The following IMMP2L variants were observed in gnomAD, a reference collection of about 807,000 sequenced individuals.
The protein encoded by IMMP2L is inner mitochondrial membrane peptidase subunit 2.
In IMMP2L, 18 loss-of-function variants were observed where a neutral mutation model predicts 19.3. That is an observed-to-expected ratio of 0.93 (90% CI 0.64 to 1.38). IMMP2L has a LOEUF of 1.38. IMMP2L is among the 40% of genes most tolerant of loss of function. The pLI, the probability that IMMP2L is intolerant of heterozygous loss-of-function variation, is 0.00. For synonymous variants in IMMP2L, 76 were observed against 73.0 expected (o/e 1.04, Z -0.21); for missense variants, 233 against 218.2 (o/e 1.07, Z -0.43).
intron 5 of IMMP2L, among the ~76,000 whole-genome samples, chr7:110,822,857 T>C (rs1046446119): frequency 7.9e-5 from 12 of 152,138 alleles, no homozygotes; most frequent in Admixed American, 6.6e-4. Flanking sequence ...TTCTGCTCCA[T>C]TGGCCACTAA....
intron 4 of IMMP2L, among the ~76,000 whole-genome samples, chr7:110,954,125 C>A (rs1207101219): frequency 6.6e-6 from 1 of 151,926 alleles, no homozygotes; most frequent in Admixed American, 6.6e-5. Flanking sequence ...ATGTTTTATG[C>A]TTTAGTGTTG....
intron 3 of IMMP2L, among the ~76,000 whole-genome samples, chr7:111,164,185 A>AAGGC (rs1009328557): frequency 3.3e-5 from 5 of 151,746 alleles, no homozygotes; most frequent in East Asian, 2.0e-4. Context: ...GAAAGGCAGG[A>AAGGC]AGGCAGGCAG....
intron 3 of IMMP2L, among the ~76,000 whole-genome samples, chr7:111,465,264 T>A (rs1366361200): frequency 6.6e-6 from 1 of 151,898 alleles, no homozygotes; most frequent in African/African-American, 2.4e-5. Context: ...CTGCTCTCAG[T>A]CAAGATTCTG....
intron 4 of IMMP2L, among the ~76,000 whole-genome samples, chr7:110,887,416 A>C (rs1810333535): frequency 6.6e-6 from 1 of 152,092 alleles, no homozygotes; most frequent in African/African-American, 2.4e-5. Context: ...TAATGGTATA[A>C]TGTTTTTCCC....
chr7:110,960,680 C>T (rs1818839067), intron 4 of IMMP2L, among the ~76,000 whole-genome samples: 1 of 151,716 alleles, frequency 6.6e-6, no homozygotes, highest in South Asian at 2.1e-4. Context: ...AAAAAACAGT[C>T]ACCAAGTTCT....
chr7:111,559,883 CA>C (rs1304778505), intron 1 of IMMP2L, among the ~76,000 whole-genome samples: 2 of 152,080 alleles, frequency 1.3e-5, no homozygotes, highest in South Asian at 4.2e-4. Context: ...AGCTCATGTC[CA>C]AAAGACTGTA....
chr7:110,956,322 G>A (rs1004832181), intron 4 of IMMP2L, among the ~76,000 whole-genome samples: 1 of 152,000 alleles, frequency 6.6e-6, no homozygotes. Flanking sequence ...GCCTTGTGCT[G>A]TACTCACCAG....
chr7:111,508,316 A>C (rs1845125671), intron 2 of IMMP2L, among the ~76,000 whole-genome samples: 1 of 152,158 alleles, frequency 6.6e-6, no homozygotes, highest in Admixed American at 6.5e-5. Flanking sequence ...GAAGAAATAA[A>C]AATAAAGTTC....
intron 3 of IMMP2L, among the ~76,000 whole-genome samples, chr7:111,187,292 C>T (rs1354730237): frequency 4.6e-5 from 7 of 152,068 alleles, no homozygotes; most frequent in Non-Finnish European, 1.0e-4. Flanking sequence ...ACTGCATAGA[C>T]AAGACATAAG....
At chr7:111,549,818 G>T (rs1010739620) in intron 1 of IMMP2L, among the ~76,000 whole-genome samples, 1 of 151,852 alleles carries the variant, frequency 6.6e-6, no homozygotes, top group South Asian at 2.1e-4. Flanking sequence ...ACACATGCCT[G>T]TAATCCCAGC....
At chr7:110,688,822 C>T (rs1346277154) in intron 5 of IMMP2L, among the ~76,000 whole-genome samples, 2 of 151,892 alleles carry the variant, frequency 1.3e-5, no homozygotes, top group Non-Finnish European at 2.9e-5. Context: ...ATGTATTTGT[C>T]CTTTCTCTCT....
intron 4 of IMMP2L, among the ~76,000 whole-genome samples, chr7:110,935,470 G>A (rs369178979): frequency 2.0e-5 from 3 of 152,090 alleles, no homozygotes; most frequent in East Asian, 3.9e-4. Context: ...TGACAATTAC[G>A]TGTCTTGGAG....
intron 5 of IMMP2L, among the ~76,000 whole-genome samples, chr7:110,854,239 A>AT (rs1400868980): frequency 1.3e-5 from 2 of 151,876 alleles, no homozygotes; most frequent in Non-Finnish European, 2.9e-5. Context: ...TTCCATTTAA[A>AT]TTTTTTTCTG....
chr7:111,369,045 T>C (rs938315782), intron 3 of IMMP2L, among the ~76,000 whole-genome samples: 1 of 151,960 alleles, frequency 6.6e-6, no homozygotes, highest in Admixed American at 6.6e-5. Context: ...AGACCTTCTT[T>C]TAAGAAATTA....
intron 3 of IMMP2L, among the ~76,000 whole-genome samples, chr7:111,346,167 T>C (rs1563084768): frequency 6.6e-6 from 1 of 152,192 alleles, no homozygotes; most frequent in East Asian, 1.9e-4. Flanking sequence ...GTATGTCTTA[T>C]TTCAGTAAAG....
chr7:110,937,675 T>A (rs900655833), intron 4 of IMMP2L, among the ~76,000 whole-genome samples: 1 of 152,182 alleles, frequency 6.6e-6, no homozygotes, highest in Non-Finnish European at 1.5e-5. Flanking sequence ...TTTTGACTCA[T>A]TATACTTCGC....
At chr7:110,944,811 T>C (rs1817093145) in intron 4 of IMMP2L, among the ~76,000 whole-genome samples, 1 of 151,938 alleles carries the variant, frequency 6.6e-6, no homozygotes, top group Admixed American at 6.6e-5. Context: ...TGTGTACATA[T>C]AGATCCTTTT....
rs761363709 is a variant in IMMP2L at position 110,818,418 on chromosome 7, C to T, written c.408+68175G>A. Among the ~76,000 whole-genome samples the T allele has an allele frequency of 1.7e-3, 257 of 152,216 alleles. 2 individuals are homozygous for T. In the Middle Eastern group the frequency reaches 0.031, roughly 18 times the overall value. On this transcript the variant is annotated intron_variant, in intron 5 of 5. Transcript: ENST00000405709. Reference sequence around the variant, plus strand: ...GCAAATCAAAACCACAATGAGATACCATCTCACATCAGTTAGAATGGCGAT... The same window carrying T: ...GCAAATCAAAACCACAATGAGATACTATCTCACATCAGTTAGAATGGCGAT...
At chr7:110,776,783 T>TCA (rs1799417429) in intron 5 of IMMP2L, among the ~76,000 whole-genome samples, 1 of 152,010 alleles carries the variant, frequency 6.6e-6, no homozygotes, top group African/African-American at 2.4e-5. Context: ...AGCCCATGGG[T>TCA]CACCTTCTTG....
Sources: gnomAD v4.1 joint callset for allele counts (sites outside exome capture counted in the v4.1 genomes callset) on GRCh38, gnomAD v4.1.1 for gene constraint, MANE v1.5 for transcripts, NCBI Gene and HGNC (gene_info 2026-07-23, HGNC 2026-07-21) for gene names.